The following NKAIN2 variants were observed in gnomAD, a reference collection of about 807,000 sequenced individuals.
NKAIN2 encodes the protein sodium/potassium transporting ATPase interacting 2, also known as sodium/potassium-transporting ATPase subunit beta-1-interacting protein 2.
In NKAIN2, 14 loss-of-function variants were observed where a neutral mutation model predicts 32.6. The ratio of observed to expected loss-of-function variants is 0.43; its 90% CI spans 0.28 to 0.67. The LOEUF (loss-of-function observed/expected upper bound fraction) is 0.67, where lower values mean the gene tolerates loss of function less well. NKAIN2 is among the 30% of genes least tolerant of loss of function. The pLI is 0.17. For missense variants in NKAIN2, 198 were observed against 258.3 expected, an observed-to-expected ratio of 0.77 and a Z score of 1.60; for synonymous variants, 80 against 87.2, an observed-to-expected ratio of 0.92 and a Z score of 0.46.
At chr6:124,476,092 GTGTGT>G in intron 3 of NKAIN2, among the ~76,000 whole-genome samples, 2 of 150,802 alleles carry the variant, frequency 1.3e-5, no homozygotes, top group African/African-American at 4.9e-5. Context: ...GTGTGTGTGT[GTGTGT>G]GCGTGCGCGC....
intron 1 of NKAIN2, among the ~76,000 whole-genome samples, chr6:124,107,944 T>C (rs1037191932): frequency 6.6e-6 from 1 of 152,192 alleles, no homozygotes. Context: ...ACCTTTAAGC[T>C]GTTTTCACAT....
At chr6:124,613,840 C>A (rs1224977962) in intron 3 of NKAIN2, among the ~76,000 whole-genome samples, 1 of 152,148 alleles carries the variant, frequency 6.6e-6, no homozygotes, top group Non-Finnish European at 1.5e-5. Context: ...CACTCTTTGT[C>A]TAGTGCTTAG....
At chr6:124,711,794 T>C (rs905069457) in intron 4 of NKAIN2, among the ~76,000 whole-genome samples, 51 of 152,268 alleles carry the variant, frequency 3.3e-4, no homozygotes, top group Non-Finnish European at 5.3e-4. Context: ...GTAATTTGAT[T>C]GTCTGAAGCC....
At chr6:123,928,548 A>T (rs1389907019) in intron 1 of NKAIN2, among the ~76,000 whole-genome samples, 4 of 152,148 alleles carry the variant, frequency 2.6e-5, no homozygotes, top group Admixed American at 2.6e-4. Flanking sequence ...TCCTCCAGAG[A>T]AAATTCTATT....
chr6:124,574,612 C>G (rs1781258339), intron 3 of NKAIN2, among the ~76,000 whole-genome samples: 1 of 152,142 alleles, frequency 6.6e-6, no homozygotes, highest in Admixed American at 6.5e-5. Context: ...GAGCAAGACT[C>G]TGTCTCAAAA....
At chr6:124,000,135 C>G (rs759826501) in intron 1 of NKAIN2, among the ~76,000 whole-genome samples, 5 of 152,084 alleles carry the variant, frequency 3.3e-5, no homozygotes, top group Non-Finnish European at 7.4e-5. Context: ...CAAAACGACA[C>G]TTTCTTAGCA....
chr6:124,004,878 T>C (rs1406343595), intron 1 of NKAIN2, among the ~76,000 whole-genome samples: 6 of 136,758 alleles, frequency 4.4e-5, no homozygotes, highest in Non-Finnish European at 6.3e-5. Context: ...AAAAAAGTAA[T>C]AATAACAACA....
Position 124,605,634 on chromosome 6 carries a change from G to A in NKAIN2, c.274-52552G>A, listed in dbSNP as rs542391404. Among the ~76,000 whole-genome samples, 92 of 152,044 alleles carry A rather than the reference G, an allele frequency of 6.1e-4. No individual in the cohort carries two copies. In the South Asian group the frequency reaches 9.1e-3, roughly 15 times the overall value. ...GTGATGAATATTATGGGGTATCTCCGCAGTATATGTTTACTTCAAGTTTTC... is the reference window on the plus strand; with the variant it reads ...GTGATGAATATTATGGGGTATCTCCACAGTATATGTTTACTTCAAGTTTTC... On this transcript the variant is annotated intron_variant, in intron 3 of 6. Transcript: ENST00000368417.
At chr6:124,102,445 T>C (rs986924714) in intron 1 of NKAIN2, among the ~76,000 whole-genome samples, 7 of 152,232 alleles carry the variant, frequency 4.6e-5, no homozygotes, top group Non-Finnish European at 7.3e-5. Context: ...GGTGAATTTA[T>C]GTGAGGTACA....
At chr6:123,812,372 A>G (rs1360221975) in intron 1 of NKAIN2, among the ~76,000 whole-genome samples, 1 of 152,230 alleles carries the variant, frequency 6.6e-6, no homozygotes, top group Non-Finnish European at 1.5e-5. Context: ...AATAATGCAT[A>G]AAGATATTTA....
intron 3 of NKAIN2, among the ~76,000 whole-genome samples, chr6:124,545,086 G>C (rs1212285262): frequency 6.6e-6 from 1 of 152,186 alleles, no homozygotes; most frequent in Non-Finnish European, 1.5e-5. Flanking sequence ...TTTAAAGGGA[G>C]AGGGAAAGTA....
chr6:123,892,835 G>C (rs1774086878), intron 1 of NKAIN2, among the ~76,000 whole-genome samples: 1 of 151,548 alleles, frequency 6.6e-6, no homozygotes, highest in Non-Finnish European at 1.5e-5. Context: ...CTGTATTCTT[G>C]TTCGGCACTG....
intron 4 of NKAIN2, among the ~76,000 whole-genome samples, chr6:124,761,900 A>C (rs1483599925): frequency 6.6e-6 from 1 of 152,182 alleles, no homozygotes; most frequent in Admixed American, 6.5e-5. Context: ...ATATGTCTCC[A>C]AAATGTGCAG....
chr6:124,110,412 CTTTTA>C (rs1488983999), intron 1 of NKAIN2, among the ~76,000 whole-genome samples: 4 of 151,906 alleles, frequency 2.6e-5, no homozygotes, highest in Admixed American at 2.0e-4. Flanking sequence ...ATAATTTCAA[CTTTTA>C]TTTTAGTTTC....
intron 3 of NKAIN2, among the ~76,000 whole-genome samples, chr6:124,499,443 T>C (rs1778197883): frequency 6.6e-6 from 1 of 152,210 alleles, no homozygotes; most frequent in African/African-American, 2.4e-5. Flanking sequence ...AAATTCTTTT[T>C]TTCTGATAAT....
In NKAIN2 at chr6:124,141,085, A is replaced by G. The variant is rs143874824; in HGVS notation, c.55-141920A>G. ...AATGTTGCATTGAGTCAATTAAGCC[A>G]GGGATCACAGGAAATTAGGCCACTA... On this transcript the variant is annotated intron_variant, in intron 1 of 6. Transcript: ENST00000368417. Among the ~76,000 whole-genome samples, 5 of 152,356 alleles carry G rather than the reference A, an allele frequency of 3.3e-5. No individual in the cohort carries two copies. The East Asian group carries it at 9.6e-4, about 29-fold the overall frequency.
chr6:124,625,208 A>G (rs1056452104), intron 3 of NKAIN2, among the ~76,000 whole-genome samples: 2 of 152,166 alleles, frequency 1.3e-5, no homozygotes, highest in Non-Finnish European at 2.9e-5. Context: ...TAAATTGTGA[A>G]GTGATAGTTG....
At chr6:124,066,089 C>G (rs553582892) in intron 1 of NKAIN2, among the ~76,000 whole-genome samples, 1 of 152,140 alleles carries the variant, frequency 6.6e-6, no homozygotes, top group South Asian at 2.1e-4. Flanking sequence ...ACTTTTTGAC[C>G]ACTATCTCCA....
intron 1 of NKAIN2, among the ~76,000 whole-genome samples, chr6:124,261,784 C>T (rs890650085): frequency 4.0e-5 from 6 of 150,606 alleles, no homozygotes; most frequent in Admixed American, 1.3e-4. Context: ...TTCTTGAATC[C>T]GGGAGGCAGA....
Sources: gnomAD v4.1 joint callset for allele counts (sites outside exome capture counted in the v4.1 genomes callset) on GRCh38, gnomAD v4.1.1 for gene constraint, MANE v1.5 for transcripts, NCBI Gene and HGNC (gene_info 2026-07-23, HGNC 2026-07-21) for gene names.